Variants in RARB observed in about 807,000 individuals in gnomAD.
RARB encodes the protein retinoic acid receptor beta, also known as HBV-activated protein.
Under a neutral mutation model 51.9 loss-of-function variants are expected in RARB, and 17 were observed. The ratio of observed to expected loss-of-function variants is 0.33; its 90% confidence interval spans 0.22 to 0.49. The LOEUF (loss-of-function observed/expected upper bound fraction) is 0.49. RARB is among the 20% of genes least tolerant of loss of function. The pLI, the probability that RARB is intolerant of heterozygous loss-of-function variation, is 0.99. For synonymous variants in RARB, 215 were observed against 195.4 expected (o/e 1.10, Z -0.84); for missense variants, 369 against 550.8 (o/e 0.67, Z 3.30).
chr3:25,440,798 A>T (rs1708641341), intron 1 of RARB, among the ~76,000 whole-genome samples: 1 of 152,096 alleles, frequency 6.6e-6, no homozygotes, highest in Admixed American at 6.6e-5. Flanking sequence ...ATTAAAAAAA[A>T]ATCCAAATGC....
chr3:25,236,090 A>G (rs928113890), intron 5 of RARB, among the ~76,000 whole-genome samples: 3 of 152,060 alleles, frequency 2.0e-5, no homozygotes, highest in African/African-American at 7.2e-5. Flanking sequence ...ATTTTTGTGT[A>G]TTCCTCAGAA....
intron 1 of RARB, among the ~76,000 whole-genome samples, chr3:25,437,117 C>CTTTTTTTTT (rs35238900): frequency 7.2e-6 from 1 of 139,652 alleles, no homozygotes; most frequent in Non-Finnish European, 1.5e-5. Context: ...TAAAAGCAAA[C>CTTTTTTTTT]TTTTTTTTTT....
At chr3:24,873,963 A>G (rs1702995333) in intron 2 of RARB, among the ~76,000 whole-genome samples, 1 of 152,138 alleles carries the variant, frequency 6.6e-6, no homozygotes, top group Non-Finnish European at 1.5e-5. Context: ...AAAGTTAAAA[A>G]TAGCAAGGCA....
intron 2 of RARB, among the ~76,000 whole-genome samples, chr3:24,986,078 G>A (rs1265553821): frequency 1.3e-5 from 2 of 152,198 alleles, no homozygotes; most frequent in African/African-American, 4.8e-5. Flanking sequence ...ATCACCTAGA[G>A]TGGTGACAAG....
chr3:25,501,784 C>T (rs1153582), intron 3 of RARB, among the ~76,000 whole-genome samples: 33,184 of 152,092 alleles, frequency 0.22, 3,921 homozygotes, highest in East Asian at 0.34. Flanking sequence ...ATTTCAAAAT[C>T]TGGGACACTG....
At chr3:24,955,538 A>G (rs1008202240) in intron 2 of RARB, among the ~76,000 whole-genome samples, 9 of 152,210 alleles carry the variant, frequency 5.9e-5, no homozygotes, top group Non-Finnish European at 8.8e-5. Context: ...GTAGGGGCCA[A>G]GAGAAAGTTT....
chr3:24,871,583 G>A (rs1037502503), intron 2 of RARB, among the ~76,000 whole-genome samples: 2 of 152,028 alleles, frequency 1.3e-5, no homozygotes, highest in Non-Finnish European at 2.9e-5. Flanking sequence ...TACGTTCTTG[G>A]CTTTTATGCT....
At chr3:25,190,732 T>G (rs1559498608) in intron 5 of RARB, among the ~76,000 whole-genome samples, 1 of 152,168 alleles carries the variant, frequency 6.6e-6, no homozygotes, top group African/African-American at 2.4e-5. Context: ...TCCCCACTTC[T>G]AGATTTTTTT....
chr3:24,960,601 A>G (rs932729079), intron 2 of RARB, among the ~76,000 whole-genome samples: 2 of 152,210 alleles, frequency 1.3e-5, no homozygotes, highest in African/African-American at 4.8e-5. Flanking sequence ...CCTTCCAGGT[A>G]TGCTAAATTG....
chr3:25,036,158 A>C (rs971646088), intron 2 of RARB, among the ~76,000 whole-genome samples: 1 of 152,170 alleles, frequency 6.6e-6, no homozygotes, highest in African/African-American at 2.4e-5. Flanking sequence ...TGAAATCCCC[A>C]GCCAGGGGGA....
intron 2 of RARB, among the ~76,000 whole-genome samples, chr3:25,473,849 A>G (rs1030283647): frequency 1.1e-4 from 16 of 151,192 alleles, no homozygotes; most frequent in Non-Finnish European, 4.4e-5. Context: ...AAATATTTCA[A>G]TAAGAAAAAA....
At chr3:25,180,188 C>T (rs933928669) in intron 5 of RARB, among the ~76,000 whole-genome samples, 1 of 152,078 alleles carries the variant, frequency 6.6e-6, no homozygotes, top group African/African-American at 2.4e-5. Context: ...TGCCAATCAC[C>T]TTTTTCCTAG....
At chr3:25,204,568 G>A (rs1490656252) in intron 5 of RARB, among the ~76,000 whole-genome samples, 1 of 152,078 alleles carries the variant, frequency 6.6e-6, no homozygotes, top group African/African-American at 2.4e-5. Flanking sequence ...ATCTACCTTT[G>A]GTCTTTGATG....
chr3:25,133,296 G>T (rs752970381), intron 4 of RARB, among the ~76,000 whole-genome samples: 23 of 151,860 alleles, frequency 1.5e-4, no homozygotes, highest in Admixed American at 6.6e-5. Flanking sequence ...CCTAAGAGTA[G>T]CATTCTTTGT....
At chr3:24,960,451 T>C (rs555803068) in intron 2 of RARB, among the ~76,000 whole-genome samples, 4 of 152,320 alleles carry the variant, frequency 2.6e-5, no homozygotes, top group East Asian at 1.9e-4. Context: ...TTCTTTTCAA[T>C]TGAGCAGACA....
chr3:25,105,019 T>A (rs1172452978), intron 3 of RARB, among the ~76,000 whole-genome samples: 1 of 152,208 alleles, frequency 6.6e-6, no homozygotes, highest in Non-Finnish European at 1.5e-5. Flanking sequence ...ACGTACAGTT[T>A]GTGTACTTTT....
intron 2 of RARB, among the ~76,000 whole-genome samples, chr3:24,901,632 C>T (rs534010743): frequency 1.3e-5 from 2 of 152,286 alleles, no homozygotes; most frequent in African/African-American, 4.8e-5. Context: ...AGAGTATGCT[C>T]AGATTTTATG....
At chr3:25,086,102 C>A (rs1217278176) in intron 3 of RARB, among the ~76,000 whole-genome samples, 1 of 152,070 alleles carries the variant, frequency 6.6e-6, no homozygotes, top group African/African-American at 2.4e-5. Context: ...TGACAGATAA[C>A]ATAATGGAGG....
chr3:25,057,215 T>C (rs1698459033), intron 2 of RARB, among the ~76,000 whole-genome samples: 1 of 152,100 alleles, frequency 6.6e-6, no homozygotes, highest in South Asian at 2.1e-4. Flanking sequence ...CCAGCCCGTG[T>C]TGGCAGTCAT....
Sources: gnomAD v4.1 joint callset for allele counts (sites outside exome capture counted in the v4.1 genomes callset) on GRCh38, gnomAD v4.1.1 for gene constraint, MANE v1.5 for transcripts, NCBI Gene and HGNC (gene_info 2026-07-23, HGNC 2026-07-21) for gene names.